The following BAIAP2L2 variants were observed in gnomAD, a reference collection of about 807,000 sequenced individuals.
BAIAP2L2 encodes the protein BAR/IMD domain containing adaptor protein 2 like 2.
In BAIAP2L2, 65 loss-of-function variants were observed where a neutral mutation model predicts 60.4. The observed-to-expected ratio is 1.08, with a 90% CI of 0.88 to 1.32. The LOEUF (loss-of-function observed/expected upper bound fraction) is 1.32, where lower values mean the gene tolerates loss of function less well. BAIAP2L2 is among the 40% of genes most tolerant of loss of function. The pLI is 0.00. For synonymous variants in BAIAP2L2, 344 were observed against 301.7 expected (o/e 1.14, Z -1.45); for missense variants, 836 against 741.2 (o/e 1.13, Z -1.48).
In BAIAP2L2 at chr22:38,085,314, G is replaced by A. The variant is rs1569213269; in HGVS notation, c.1576C>T (p.Pro526Ser). ...RPTITNDRSA[P>S]LIR ...CGGACCCCGCCTCAGCGGATGAGGG[G>A]TGCTGAGCGGTCATTGGTGATGGTG... Residue 526 changes from proline (P) to serine (S), a missense_variant, in exon 14 of 14, where the codon CCC becomes TCC. Transcript: ENST00000381669. 6.2e-7 allele frequency: 1 copy of A among 1,614,078 alleles called. No homozygotes were observed. The highest frequency in any genetic ancestry group is 8.5e-7 in the Non-Finnish European group (1 of 1,179,958).
chr22:38,098,077 C>G lies in BAIAP2L2; in HGVS notation c.451G>C (p.Val151Leu), dbSNP rs1271591983. Residue 151 changes from valine (V) to leucine (L), a missense_variant, in exon 6 of 14, where the codon GTG becomes CTG. Physicochemically the swap from Val to Leu is conservative, Grantham distance 32. Coordinates refer to ENST00000381669, the MANE Select transcript of BAIAP2L2 (RefSeq NM_025045.6). ...GGCCCTCGCACCTTCATCTCCCGCA[C>G]GTTCTTGTCTCTCTTGCGCTCCATG... The part of the protein sequence containing the change: ...WRMERKRDKN[V>L]REMKESVNRL... 3.7e-6 allele frequency: 6 copies of G among 1,610,914 alleles called. 1 individual carries two copies. In the East Asian group the frequency reaches 1.1e-4, roughly 30 times the overall value.
chr22:38,107,962 G>A (rs373247780), intron 3 of BAIAP2L2, 49 bp from the exon 4 acceptor site: 16 of 1,359,816 alleles, frequency 1.2e-5, no homozygotes, highest in African/African-American at 1.5e-5. Context: ...AGCCTGCCCC[G>A]CCCACCCACC....
intron 11 of BAIAP2L2, 109 bp from the exon 12 acceptor site, chr22:38,086,558 C>G (rs935999736): frequency 1.2e-6 from 1 of 805,296 alleles, no homozygotes; most frequent in Non-Finnish European, 1.9e-6. Context: ...AGCTTCCTCC[C>G]CGCACCTGCA....
At chr22:38,098,028 C>T (rs375167081) in intron 6 of BAIAP2L2, 35 bp downstream of exon 6, 2 of 1,219,796 alleles carry the variant, frequency 1.6e-6, no homozygotes, top group African/African-American at 1.5e-5. Context: ...CCCACCCGCC[C>T]TTCCTGGCCC....
chr22:38,087,446 C>A (rs1278525847), intron 10 of BAIAP2L2, among the ~76,000 whole-genome samples, 182 bp from the exon 11 acceptor site: 1 of 152,126 alleles, frequency 6.6e-6, no homozygotes, highest in East Asian at 1.9e-4. Flanking sequence ...ATAACACACG[C>A]TATCCTTTTC....
chr22:38,087,325 A>C, intron 10 of BAIAP2L2, 61 bp from the exon 11 acceptor site: 1 of 1,553,798 alleles, frequency 6.4e-7, no homozygotes, highest in Non-Finnish European at 8.6e-7. Context: ...CAATGACCAA[A>C]AGAAGACATC....
chr22:38,109,014 A>G, intron 2 of BAIAP2L2, 119 bp downstream of exon 2: 2 of 799,980 alleles, frequency 2.5e-6, no homozygotes, highest in Non-Finnish European at 4.0e-6. Flanking sequence ...GGTGGTGGGT[A>G]GGAGGGTGTA....
intron 4 of BAIAP2L2, among the ~76,000 whole-genome samples, chr22:38,106,119 G>A (rs1036360185): frequency 1.3e-5 from 2 of 152,242 alleles, no homozygotes; most frequent in African/African-American, 4.8e-5. Flanking sequence ...ATCCAAGGGG[G>A]TGGCAGGGGC....
At chr22:38,093,918 G>A (rs1001188811) in intron 7 of BAIAP2L2, 9 of 456,492 alleles carry the variant, frequency 2.0e-5, no homozygotes, top group African/African-American at 1.8e-4. Flanking sequence ...CAGTGGTCAT[G>A]ACAGCCAAAG....
Position 38,098,191 on chromosome 22 carries a change from T to A in BAIAP2L2, c.349-12A>T, listed in dbSNP as rs1302194031. On this transcript the variant is annotated splice_polypyrimidine_tract_variant and intron_variant, in intron 5 of 13. Coordinates refer to ENST00000381669, the MANE Select transcript of BAIAP2L2 (RefSeq NM_025045.6). ...TGCTGGCGGCTGTCCTGGGGTAGGGTGGAGTCGGGGAGGGAGAATCCCCCC... is the reference window on the plus strand; with the variant it reads ...TGCTGGCGGCTGTCCTGGGGTAGGGAGGAGTCGGGGAGGGAGAATCCCCCC... 1.2e-6 allele frequency: 2 copies of A among 1,612,832 alleles called. No homozygotes were observed. The highest frequency in any genetic ancestry group is 1.7e-6 in the Non-Finnish European group (2 of 1,179,358).
intron 7 of BAIAP2L2, among the ~76,000 whole-genome samples, chr22:38,092,891 C>T (rs936928510): frequency 4.6e-5 from 7 of 152,092 alleles, no homozygotes; most frequent in East Asian, 3.9e-4. Flanking sequence ...TGGCCGGGCG[C>T]GGTGGCTCAC....
Position 38,107,880 on chromosome 22 carries a change from C to A in BAIAP2L2, c.248G>T (p.Arg83Leu), listed in dbSNP as rs554528952. 6.2e-7 allele frequency: 1 copy of A among 1,613,420 alleles called. No individual in the cohort carries two copies. The highest frequency in any genetic ancestry group is 8.5e-7 in the Non-Finnish European group (1 of 1,179,966). ...EILVQMSDTQ[R>L]HLNSDLEVVV... Reference sequence around the variant, plus strand: ...CACCTCCAGGTCAGAGTTCAAGTGCCGCTGGGTGTCAGACATCTGCACCAA... The same window carrying A: ...CACCTCCAGGTCAGAGTTCAAGTGCAGCTGGGTGTCAGACATCTGCACCAA... Residue 83 changes from arginine (R) to leucine (L), a missense_variant, in exon 4 of 14, where the codon CGG (arginine) becomes CTG (leucine). Arg to Leu is a moderately radical substitution (Grantham distance 102). Coordinates refer to ENST00000381669, the MANE Select transcript of BAIAP2L2 (RefSeq NM_025045.6).
chr22:38,106,779 G>A (rs549991251), intron 4 of BAIAP2L2, among the ~76,000 whole-genome samples: 6 of 152,138 alleles, frequency 3.9e-5, no homozygotes, highest in Non-Finnish European at 2.9e-5. Context: ...TGCGCAGCCC[G>A]CTGCCATGCT....
Position 38,110,615 on chromosome 22 carries a change from A to C in BAIAP2L2, c.-90T>G. 1 of 1,100,760 alleles carries C rather than the reference A, an allele frequency of 9.1e-7. No individual in the cohort carries two copies. The allele number at this position is 1,100,760 out of a possible 1,614,324, so 68.2% of individuals were successfully genotyped here. A position where few individuals can be genotyped will look rare whatever the true frequency, so the allele number is the denominator to read the frequency against. The stretch of plus-strand genomic sequence containing the variant: ...GTGGTAGGTAGTCCCTCAGGTGCCC[A>C]CGACTCAGCTGGCAGCGAGGAAGCC... On this transcript the variant is annotated 5_prime_UTR_variant, in exon 1 of 14. Coordinates refer to ENST00000381669, the MANE Select transcript of BAIAP2L2 (RefSeq NM_025045.6).
upstream of BAIAP2L2, chr22:38,110,798 C>T (rs761512899): frequency 4.1e-5 from 20 of 488,196 alleles, 1 homozygote; most frequent in South Asian, 5.8e-4. Flanking sequence ...TTCAATTATT[C>T]ACCCCTTGGA....
At chr22:38,102,523 G>C (rs2086587836) in intron 4 of BAIAP2L2, among the ~76,000 whole-genome samples, 1 of 152,012 alleles carries the variant, frequency 6.6e-6, no homozygotes, top group Non-Finnish European at 1.5e-5. Flanking sequence ...AAATCCAATA[G>C]AAAGTTATTA....
rs1453781991 is a variant in BAIAP2L2 at position 38,089,524 on chromosome 22, T to A, written c.763A>T (p.Met255Leu). ...SGRLTPTCLDMPPRPLGEFSS... is the reference protein window; with the variant it reads ...SGRLTPTCLDLPPRPLGEFSS... ...GGCGGGGGCGCCCAGGGCCTCACCA[T>A]GTCCAGGCAGGTGGGCGTCAGGCGG... The change falls in exon 8 of 14, where the codon ATG (methionine) becomes TTG (leucine). Residue 255 changes from methionine (M) to leucine (L), a missense_variant and splice_region_variant. Met to Leu is a conservative substitution (Grantham distance 15). Coordinates refer to ENST00000381669, the MANE Select transcript of BAIAP2L2 (RefSeq NM_025045.6). The A allele has an allele frequency of 1.7e-6, 2 of 1,211,016 alleles. No homozygotes were observed. Among genetic ancestry groups the A allele is most frequent in the Non-Finnish European group, 2.1e-6 (2 of 974,974 alleles). The allele number at this position is 1,211,016 out of a possible 1,614,324, so 75.0% of individuals were successfully genotyped here.
intron 7 of BAIAP2L2, among the ~76,000 whole-genome samples, chr22:38,096,696 G>C (rs1053841922): frequency 2.6e-5 from 4 of 151,962 alleles, no homozygotes; most frequent in Admixed American, 1.3e-4. Flanking sequence ...ATTAATAGAC[G>C]ATAACTGAGC....
intron 4 of BAIAP2L2, among the ~76,000 whole-genome samples, chr22:38,106,031 C>G (rs2086658483): frequency 6.6e-6 from 1 of 152,146 alleles, no homozygotes; most frequent in Non-Finnish European, 1.5e-5. Flanking sequence ...CCTGCCCAGC[C>G]CAGGTGTGCC....
Sources: gnomAD v4.1 joint callset for allele counts (sites outside exome capture counted in the v4.1 genomes callset) on GRCh38, gnomAD v4.1.1 for gene constraint, MANE v1.5 for transcripts, NCBI Gene and HGNC (gene_info 2026-07-23, HGNC 2026-07-21) for gene names.